PTPRK: variants seen among roughly 807,000 people sequenced by gnomAD.
PTPRK encodes the protein receptor-type tyrosine-protein phosphatase kappa.
In PTPRK, 75 loss-of-function variants were observed where a neutral mutation model predicts 178.0. The observed-to-expected ratio is 0.42, with a 90% CI of 0.35 to 0.51. The LOEUF is 0.51. PTPRK is among the 20% of genes least tolerant of loss of function. The pLI is 0.02. For synonymous variants in PTPRK, 637 were observed against 620.6 expected (o/e 1.03, Z -0.39); for missense variants, 1,441 against 1,797.8 (o/e 0.80, Z 3.59).
intron 7 of PTPRK, among the ~76,000 whole-genome samples, chr6:128,135,809 T>C (rs1285665339): frequency 6.6e-6 from 1 of 151,970 alleles, no homozygotes; most frequent in African/African-American, 2.4e-5. Flanking sequence ...GGTTGGCCAT[T>C]GTGATCAAGT....
At chr6:128,155,980 C>G (rs1342843564) in intron 7 of PTPRK, among the ~76,000 whole-genome samples, 1 of 151,880 alleles carries the variant, frequency 6.6e-6, no homozygotes, top group Non-Finnish European at 1.5e-5. Context: ...CTGCTGTCCA[C>G]CTATCCATTC....
At chr6:127,979,043 C>T (rs1252763294) in intron 25 of PTPRK, among the ~76,000 whole-genome samples, 3 of 152,024 alleles carry the variant, frequency 2.0e-5, no homozygotes, top group South Asian at 4.1e-4. Context: ...AGGTGGATTA[C>T]AAGCTTCAAC....
At position 128,277,119 on chromosome 6, in the gene PTPRK, GAA is replaced by G. The variant is rs776395296; in HGVS notation, c.496-34519_496-34518del. ...TTGGCACAACAGTGTCAGTCTGAAA[GAA>G]AAAAAAAAAAGTCTCACTAACATGA... On this transcript the variant is annotated intron_variant, in intron 3 of 29. Coordinates refer to ENST00000368226, the MANE Select transcript of PTPRK (RefSeq NM_002844.4). 2.9e-3 allele frequency among the ~76,000 whole-genome samples: 388 copies of G among 132,728 alleles called. 1 individual carries two copies. Among genetic ancestry groups the G allele is most frequent in the African/African-American group, 0.01 (367 of 36,028 alleles). The allele number at this position is 132,728 out of a possible 152,430, so 87.1% of individuals were successfully genotyped here.
chr6:128,005,916 A>G (rs1034621936), intron 14 of PTPRK: 1 of 780,372 alleles, frequency 1.3e-6, no homozygotes, highest in Admixed American at 3.5e-5. Context: ...GTCTGAAAAA[A>G]CTTTTTTTTT....
chr6:128,004,754 T>A (rs1408572829), intron 15 of PTPRK, among the ~76,000 whole-genome samples: 1 of 151,846 alleles, frequency 6.6e-6, no homozygotes, highest in Non-Finnish European at 1.5e-5. Context: ...AAAAGAATTA[T>A]AAATTCTGAC....
intron 7 of PTPRK, among the ~76,000 whole-genome samples, chr6:128,156,019 G>GT (rs1173172767): frequency 6.6e-6 from 1 of 151,852 alleles, no homozygotes; most frequent in East Asian, 1.9e-4. Flanking sequence ...TTTAAGAAAC[G>GT]TAAGTTCTGT....
intron 7 of PTPRK, among the ~76,000 whole-genome samples, chr6:128,103,681 G>A (rs1407956224): frequency 6.6e-6 from 1 of 152,016 alleles, no homozygotes; most frequent in Non-Finnish European, 1.5e-5. Flanking sequence ...TTTTCCCCCT[G>A]CATGATGTTT....
At chr6:128,309,343 T>C (rs1453926431) in intron 3 of PTPRK, among the ~76,000 whole-genome samples, 1 of 151,952 alleles carries the variant, frequency 6.6e-6, no homozygotes, top group Non-Finnish European at 1.5e-5. Flanking sequence ...AGTTAGGGTA[T>C]AAATGGGGCT....
At position 128,296,195 on chromosome 6, in the gene PTPRK, G is replaced by A. The variant is rs377724735; in HGVS notation, c.495+25844C>T. The stretch of plus-strand genomic sequence containing the variant: ...CCACAGTGACTCCTTGCAACCCATG[G>A]ACAGGCATGCTTCCACCACAGGGCC... On this transcript the variant is annotated intron_variant, in intron 3 of 29. Transcript: ENST00000368226. Among the ~76,000 whole-genome samples, 592 of 152,104 alleles carry A rather than the reference G, an allele frequency of 3.9e-3. 3 individuals carry two copies. The highest frequency in any genetic ancestry group is 0.013 in the African/African-American group (552 of 41,520).
chr6:128,248,663 C>T (rs59341107), intron 3 of PTPRK, among the ~76,000 whole-genome samples: 9,528 of 151,968 alleles, frequency 0.063, 796 homozygotes, highest in African/African-American at 0.19. Context: ...AAAGAAAGAG[C>T]GGTCTGTATG....
At chr6:128,353,708 C>G (rs1414662182) in intron 2 of PTPRK, among the ~76,000 whole-genome samples, 1 of 152,118 alleles carries the variant, frequency 6.6e-6, no homozygotes, top group Non-Finnish European at 1.5e-5. Context: ...ATGAGTGGTT[C>G]TGAAGGAACA....
At chr6:128,354,231 G>GTTTTTTTT (rs756148554) in intron 2 of PTPRK, among the ~76,000 whole-genome samples, 3,770 of 49,238 alleles carry the variant, frequency 0.077, 1,525 homozygotes, top group East Asian at 0.15. Context: ...TTTTGTTTAT[G>GTTTTTTTT]TTTTTTTTTT....
At chr6:127,987,818 GAATA>G in intron 21 of PTPRK, among the ~76,000 whole-genome samples, 2 of 152,180 alleles carry the variant, frequency 1.3e-5, no homozygotes, top group East Asian at 3.9e-4. Context: ...TATGATAAAT[GAATA>G]GTCGTTAGTT....
chr6:128,117,442 C>T (rs563766222), intron 7 of PTPRK, among the ~76,000 whole-genome samples: 3 of 152,200 alleles, frequency 2.0e-5, no homozygotes, highest in South Asian at 2.1e-4. Context: ...TACAATCGCA[C>T]GACATAAACT....
intron 6 of PTPRK, among the ~76,000 whole-genome samples, chr6:128,209,201 C>G (rs1807605892): frequency 6.6e-6 from 1 of 152,006 alleles, no homozygotes; most frequent in South Asian, 2.1e-4. Flanking sequence ...TTTTCTGAGA[C>G]AGATAATATG....
chr6:128,489,686 A>T (rs1853486135), intron 1 of PTPRK, among the ~76,000 whole-genome samples: 1 of 152,246 alleles, frequency 6.6e-6, no homozygotes, highest in African/African-American at 2.4e-5. Context: ...TTCTTCATTT[A>T]ATTACCTCAT....
At chr6:128,325,639 A>C (rs2128322974) in intron 2 of PTPRK, among the ~76,000 whole-genome samples, 1 of 152,350 alleles carries the variant, frequency 6.6e-6, no homozygotes, top group Non-Finnish European at 1.5e-5. Flanking sequence ...CACGCCAGTT[A>C]GAATGGTGAT....
rs538885423 is a variant in PTPRK, at chr6:128,000,636, T to TA, written c.2495-1733dup. Reference sequence around the variant, plus strand: ...CCAAAGTCAATGGATCTACTTCTATTAAAATATTACAATCAACAGACCGAC... The same window carrying TA: ...CCAAAGTCAATGGATCTACTTCTATTAAAAATATTACAATCAACAGACCGAC... On this transcript the variant is annotated intron_variant, in intron 15 of 29. Coordinates refer to ENST00000368226, the MANE Select transcript of PTPRK (RefSeq NM_002844.4). 4.8e-3 allele frequency among the ~76,000 whole-genome samples: 736 copies of TA among 152,104 alleles called. 8 individuals carry two copies. The highest frequency in any genetic ancestry group is 0.041 in the Middle Eastern group (12 of 294).
At chr6:128,306,245 A>G (rs766039895) in intron 3 of PTPRK, among the ~76,000 whole-genome samples, 12 of 152,224 alleles carry the variant, frequency 7.9e-5, no homozygotes, top group Non-Finnish European at 1.6e-4. Context: ...AAAAACATTC[A>G]AGAAGGTTAT....
Sources: gnomAD v4.1 joint callset for allele counts (sites outside exome capture counted in the v4.1 genomes callset) on GRCh38, gnomAD v4.1.1 for gene constraint, MANE v1.5 for transcripts, NCBI Gene and HGNC (gene_info 2026-07-23, HGNC 2026-07-21) for gene names.